SIK2: variants seen among roughly 807,000 people sequenced by gnomAD.
SIK2 encodes the protein salt inducible kinase 2, also known as serine/threonine-protein kinase SIK2.
Under a neutral mutation model 103.2 loss-of-function variants are expected in SIK2, and 29 were observed. The observed-to-expected ratio is 0.28, with a 90% CI of 0.21 to 0.38. The LOEUF (loss-of-function observed/expected upper bound fraction) is 0.38. Ranked by LOEUF, SIK2 falls within the 10% of genes least tolerant of loss-of-function variation. SIK2 has a pLI of 1.00. For missense variants in SIK2, 879 were observed against 1,171.0 expected, an observed-to-expected ratio of 0.75 and a Z score of 3.64; for synonymous variants, 412 against 446.1, an observed-to-expected ratio of 0.92 and a Z score of 0.96.
chr11:111,613,118 C>A (rs1941752215), intron 1 of SIK2, among the ~76,000 whole-genome samples: 1 of 151,510 alleles, frequency 6.6e-6, no homozygotes, highest in African/African-American at 2.4e-5. Flanking sequence ...ATATATTTTT[C>A]ACTTTTTCAT....
chr11:111,651,835 G>T (rs1442794338), intron 3 of SIK2, among the ~76,000 whole-genome samples: 1 of 152,176 alleles, frequency 6.6e-6, no homozygotes, highest in Non-Finnish European at 1.5e-5. Context: ...GGCTTTGTCA[G>T]TGGCAAATAC....
chr11:111,612,365 T>A, intron 1 of SIK2, among the ~76,000 whole-genome samples: 1 of 152,330 alleles, frequency 6.6e-6, no homozygotes, highest in South Asian at 2.1e-4. Context: ...TTGTTAGTAT[T>A]ATACATATTT....
chr11:111,649,315 T>C (rs571870724), intron 3 of SIK2, among the ~76,000 whole-genome samples: 13 of 152,294 alleles, frequency 8.5e-5, no homozygotes, highest in African/African-American at 2.6e-4. Flanking sequence ...TAAAATAATA[T>C]ATTGTTACTG....
At chr11:111,626,969 T>C (rs1162136504) in intron 3 of SIK2, among the ~76,000 whole-genome samples, 1 of 152,062 alleles carries the variant, frequency 6.6e-6, no homozygotes, top group Non-Finnish European at 1.5e-5. Context: ...TGCCAAGAGT[T>C]GAAGGTAGAA....
At position 111,701,242 on chromosome 11, in the gene SIK2, A is replaced by G. The variant is rs999465437; in HGVS notation, c.604-210A>G. On this transcript the variant is annotated intron_variant, in intron 5 of 14. Transcript: ENST00000304987. The surrounding 1 kb of genome is among the most constrained non-coding windows in gnomAD (Gnocchi z 4.2). ...GTAATTTAAAGTTAAGTAGTAATCA[A>G]AATTATCAGATTCAAATTCTTTGGT... Among the ~76,000 whole-genome samples, 2 of 152,214 alleles carry G rather than the reference A, an allele frequency of 1.3e-5. No individual in the cohort carries two copies. Among genetic ancestry groups the G allele is most frequent in the Admixed American group, 6.5e-5 (1 of 15,278 alleles).
At chr11:111,611,775 G>A (rs796171411) in intron 1 of SIK2, among the ~76,000 whole-genome samples, 49 of 152,074 alleles carry the variant, frequency 3.2e-4, no homozygotes, top group African/African-American at 1.1e-3. Context: ...CTTTCCATTC[G>A]TGGAGTTCCT....
chr11:111,694,139 C>G (rs897707255), intron 4 of SIK2, among the ~76,000 whole-genome samples: 2 of 152,154 alleles, frequency 1.3e-5, no homozygotes, highest in African/African-American at 4.8e-5. Flanking sequence ...ACACTCAATA[C>G]AAGGTAGCTA....
At position 111,725,430 on chromosome 11, in the gene SIK2, C is replaced by CTT. The variant is rs1255654274; in HGVS notation, c.*1302_*1303dup. The stretch of plus-strand genomic sequence containing the variant: ...TATTACTAATAAAACTTAACCAACA[C>CTT]TTACAATTCAGTCATCAAAGTAAGT... On this transcript the variant is annotated 3_prime_UTR_variant, in exon 15 of 15. Coordinates refer to ENST00000304987, the MANE Select transcript of SIK2 (RefSeq NM_015191.3). 1 of 152,544 alleles carries CTT rather than the reference C, an allele frequency of 6.6e-6. No homozygotes were observed. The highest frequency in any genetic ancestry group is 1.5e-5 in the Non-Finnish European group (1 of 68,044). The allele number at this position is 152,544 out of a possible 1,614,324, so 9.4% of individuals were successfully genotyped here. A position where few individuals can be genotyped will look rare whatever the true frequency, so the allele number is the denominator to read the frequency against.
intron 8 of SIK2, among the ~76,000 whole-genome samples, chr11:111,706,022 G>A (rs1943337054): frequency 6.6e-6 from 1 of 152,210 alleles, no homozygotes; most frequent in African/African-American, 2.4e-5. Flanking sequence ...CAGTGTGGTG[G>A]TTAGAAGCAG....
chr11:111,622,852 T>C (rs1941911375), intron 3 of SIK2, among the ~76,000 whole-genome samples: 1 of 152,226 alleles, frequency 6.6e-6, no homozygotes, highest in Non-Finnish European at 1.5e-5. Flanking sequence ...ACCACTGGTT[T>C]CAACAATTTC....
chr11:111,726,753 G>T lies in SIK2; in HGVS notation c.*2624G>T. 1 of 568,802 alleles carries T rather than the reference G, an allele frequency of 1.8e-6. No individual in the cohort carries two copies. The highest frequency in any genetic ancestry group is 3.1e-6 in the Non-Finnish European group (1 of 318,282). The allele number at this position is 568,802 out of a possible 1,614,324, so 35.2% of individuals were successfully genotyped here. A position where few individuals can be genotyped will look rare whatever the true frequency, so the allele number is the denominator to read the frequency against. On this transcript the variant is annotated 3_prime_UTR_variant, in exon 15 of 15. Coordinates refer to ENST00000304987, the MANE Select transcript of SIK2 (RefSeq NM_015191.3). ...GAAGGCTTAGTATCGCTCTTTTTCT[G>T]CGGGGCTACTCTGAAGTACTGACTT...
At chr11:111,605,521 A>G (rs574260506) in intron 1 of SIK2, among the ~76,000 whole-genome samples, 168 of 152,346 alleles carry the variant, frequency 1.1e-3, no homozygotes, top group African/African-American at 3.8e-3. Context: ...TATCACAATT[A>G]TACTTATTGA....
rs1173214674 is a variant in SIK2 at position 111,703,240 on chromosome 11, C to T, written c.765C>T (p.Asp255=). The T allele has an allele frequency of 6.2e-7, 1 of 1,614,114 alleles. No homozygotes were observed. The highest frequency in any genetic ancestry group is 8.5e-7 in the Non-Finnish European group (1 of 1,180,022). Residue 255 remains aspartate (D), a synonymous_variant, in exon 7 of 15, where the codon GAC becomes GAT. Transcript: ENST00000304987. ...TTATCCGAAGGATGTTGGTCCTAGA[C>T]CCATCCAAACGGCTAACCATAGCCC... ...EHLIRRMLVL[D]PSKRLTIAQI...
At chr11:111,671,592 G>A (rs1291427667) in intron 3 of SIK2, 2 of 327,666 alleles carry the variant, frequency 6.1e-6, no homozygotes, top group Non-Finnish European at 5.9e-6. Context: ...CCTCATACTG[G>A]GCACAGACCT....
chr11:111,641,361 C>A (rs559944079), intron 3 of SIK2, among the ~76,000 whole-genome samples: 5 of 152,176 alleles, frequency 3.3e-5, no homozygotes, highest in Non-Finnish European at 5.9e-5. Flanking sequence ...ACATTACCTT[C>A]TTCTCCTCCT....
chr11:111,640,860 G>C (rs959843071), intron 3 of SIK2, among the ~76,000 whole-genome samples: 3 of 148,130 alleles, frequency 2.0e-5, no homozygotes, highest in Non-Finnish European at 3.0e-5. Context: ...TCAGCCTTCC[G>C]AGTAGCTGGG....
chr11:111,689,677 G>T (rs965737778), intron 4 of SIK2, among the ~76,000 whole-genome samples: 2 of 152,190 alleles, frequency 1.3e-5, no homozygotes, highest in Non-Finnish European at 2.9e-5. Context: ...ATTGAACTTA[G>T]TAAGTTTAGG....
At chr11:111,720,057 C>T in intron 10 of SIK2, 54 bp downstream of exon 10, 1 of 1,532,980 alleles carries the variant, frequency 6.5e-7, no homozygotes, top group Non-Finnish European at 8.9e-7. Context: ...TGTCATACTC[C>T]AATTGCCAAC....
In SIK2 at chr11:111,688,925, T is replaced by C. The variant is rs1591616626; in HGVS notation, c.478+763T>C. On this transcript the variant is annotated intron_variant, in intron 4 of 14. Coordinates refer to ENST00000304987, the MANE Select transcript of SIK2 (RefSeq NM_015191.3). The surrounding 1 kb of genome is among the most constrained non-coding windows in gnomAD (Gnocchi z 4.2). ...ATAAAACTGAAAAAATACAGTATGA[T>C]AGTTGCAATTTTAAAAGTATATACA... is the stretch of plus-strand genomic sequence containing the variant. Among the ~76,000 whole-genome samples, 1 of 152,212 alleles carries C rather than the reference T, an allele frequency of 6.6e-6. No homozygotes were observed. The highest frequency in any genetic ancestry group is 2.1e-4 in the South Asian group (1 of 4,832).
Sources: gnomAD v4.1 joint callset for allele counts (sites outside exome capture counted in the v4.1 genomes callset) on GRCh38, gnomAD v4.1.1 for gene constraint, Gnocchi (gnomAD v3.1) non-coding constraint, MANE v1.5 for transcripts, NCBI Gene and HGNC (gene_info 2026-07-23, HGNC 2026-07-21) for gene names.